The following DENND1B variants were observed in gnomAD, a reference collection of about 807,000 sequenced individuals.
DENND1B encodes the protein DENN domain containing 1B, also known as DENN domain-containing protein 1B.
DENND1B carries 59 observed loss-of-function variants against 90.1 expected under a neutral mutation model. The ratio of observed to expected loss-of-function variants is 0.65; its 90% CI spans 0.53 to 0.81. The LOEUF (loss-of-function observed/expected upper bound fraction) is 0.81, where lower values mean the gene tolerates loss of function less well. Among genes scored for constraint, DENND1B ranks in the 40% least tolerant of loss-of-function variants. The probability of loss-of-function intolerance (pLI) is 0.00; values close to 1 mark genes in which losing one functional copy is unlikely to be tolerated. For synonymous variants in DENND1B, 337 were observed against 324.6 expected (o/e 1.04, Z -0.41); for missense variants, 862 against 912.6 (o/e 0.94, Z 0.71).
At chr1:197,676,027 T>C (rs1656029840) in intron 3 of DENND1B, among the ~76,000 whole-genome samples, 1 of 127,136 alleles carries the variant, frequency 7.9e-6, no homozygotes, top group South Asian at 2.6e-4. Context: ...ACCTCCGCAC[T>C]CTTTAAAATT....
upstream of DENND1B, among the ~76,000 whole-genome samples, chr1:197,778,223 C>G (rs1571719171): frequency 6.6e-6 from 1 of 152,286 alleles, no homozygotes; most frequent in Admixed American, 6.5e-5. Context: ...TAGTATTTGT[C>G]TGATGTTAGG....
intron 2 of DENND1B, chr1:197,734,009 TTACAAGAAA>T: frequency 1.2e-6 from 1 of 815,970 alleles, no homozygotes; most frequent in Non-Finnish European, 1.5e-6. Flanking sequence ...ATTCAAAAAA[TTACAAGAAA>T]TTATATTTTA....
chr1:197,662,239 T>A lies in DENND1B; in HGVS notation c.297-3870A>T, dbSNP rs116476360. ...GGGAGTATAACTCACTAGTTAGTTA[T>A]ACGTCCATCTAGGGGTTGAGAGCAG... On this transcript the variant is annotated intron_variant, in intron 5 of 22. Coordinates refer to ENST00000620048, the MANE Select transcript of DENND1B (RefSeq NM_001195215.2). 2.0e-3 allele frequency among the ~76,000 whole-genome samples: 309 copies of A among 152,224 alleles called. 3 individuals are homozygous for A. Among genetic ancestry groups the A allele is most frequent in the African/African-American group, 7.3e-3 (304 of 41,572 alleles).
rs1161467586 is a variant in DENND1B at position 197,507,207 on chromosome 1, T to C, written c.*3253A>G. On this transcript the variant is annotated 3_prime_UTR_variant, in exon 23 of 23. Transcript: ENST00000620048. ...TATTATTATTATTTTAATAAAAATTTGCAATTCCTTTTCCTTTGTTCCTTC... is the reference window on the plus strand; with the variant it reads ...TATTATTATTATTTTAATAAAAATTCGCAATTCCTTTTCCTTTGTTCCTTC... The C allele has an allele frequency of 2.7e-5, 4 of 149,408 alleles. No individual in the cohort carries two copies. The highest frequency in any genetic ancestry group is 6.0e-5 in the Non-Finnish European group (4 of 67,062). 9.3% of individuals were successfully genotyped at this position (149,408 alleles called of 1,614,324 possible).
chr1:197,525,091 G>A (rs1350655582), intron 20 of DENND1B, among the ~76,000 whole-genome samples: 1 of 152,094 alleles, frequency 6.6e-6, no homozygotes, highest in East Asian at 1.9e-4. Context: ...TGTGTTAATA[G>A]GTAGAAAGAA....
intron 13 of DENND1B, chr1:197,605,394 G>T (rs1572040914): frequency 1.3e-5 from 2 of 150,936 alleles, no homozygotes; most frequent in Admixed American, 1.3e-4. Flanking sequence ...AAATTTCAAA[G>T]ATTATTTTTT....
intron 2 of DENND1B, among the ~76,000 whole-genome samples, chr1:197,731,132 C>T (rs1259655287): frequency 6.6e-6 from 1 of 151,974 alleles, no homozygotes; most frequent in Non-Finnish European, 1.5e-5. Flanking sequence ...ATTTACATCA[C>T]AACTTGTAAG....
chr1:197,691,798 G>A (rs1372497009), intron 3 of DENND1B, among the ~76,000 whole-genome samples: 3 of 151,834 alleles, frequency 2.0e-5, no homozygotes, highest in Admixed American at 6.6e-5. Context: ...AGAAAATCCT[G>A]TCATTTGCCA....
intron 15 of DENND1B, among the ~76,000 whole-genome samples, chr1:197,572,480 G>A (rs1179991330): frequency 6.6e-6 from 1 of 152,238 alleles, no homozygotes; most frequent in Admixed American, 6.5e-5. Context: ...CTCCACCTCT[G>A]TGGGCAGGGA....
chr1:197,703,577 T>G (rs1444931294), intron 3 of DENND1B, among the ~76,000 whole-genome samples: 1 of 152,190 alleles, frequency 6.6e-6, no homozygotes, highest in African/African-American at 2.4e-5. Context: ...CTGAGATGTC[T>G]TAAAGTGTTT....
At chr1:197,637,802 T>A (rs1572151974) in intron 10 of DENND1B, among the ~76,000 whole-genome samples, 1 of 152,332 alleles carries the variant, frequency 6.6e-6, no homozygotes, top group Middle Eastern at 3.4e-3. Flanking sequence ...TAACAATTTT[T>A]AACTGCACCA....
intron 2 of DENND1B, among the ~76,000 whole-genome samples, chr1:197,744,546 C>T (rs894417891): frequency 6.6e-6 from 1 of 152,104 alleles, no homozygotes; most frequent in African/African-American, 2.4e-5. Context: ...CTAGAATATT[C>T]GATAAGCCAT....
intron 3 of DENND1B, among the ~76,000 whole-genome samples, chr1:197,694,942 C>A (rs1388973998): frequency 6.6e-6 from 1 of 151,206 alleles, no homozygotes; most frequent in Non-Finnish European, 1.5e-5. Context: ...CAAAAATATT[C>A]TTTTCAATGG....
At chr1:197,756,908 G>C (rs1654382502) in intron 2 of DENND1B, among the ~76,000 whole-genome samples, 1 of 150,674 alleles carries the variant, frequency 6.6e-6, no homozygotes. Context: ...GTTAAATTTT[G>C]CAATCCTCTC....
At chr1:197,730,180 T>C (rs1236061167) in intron 2 of DENND1B, among the ~76,000 whole-genome samples, 1 of 152,124 alleles carries the variant, frequency 6.6e-6, no homozygotes, top group African/African-American at 2.4e-5. Flanking sequence ...CAAGGTATAA[T>C]TATTTATACC....
intron 18 of DENND1B, chr1:197,545,584 G>T: frequency 5.1e-6 from 1 of 194,734 alleles, no homozygotes; most frequent in South Asian, 1.2e-4. Context: ...TTCTACTTGA[G>T]CCGCAAGTAC....
intron 10 of DENND1B, among the ~76,000 whole-genome samples, chr1:197,640,156 C>T (rs986627119): frequency 6.6e-6 from 1 of 152,070 alleles, no homozygotes; most frequent in African/African-American, 2.4e-5. Context: ...TTTACTCTAA[C>T]TGCAGATGTA....
At chr1:197,655,328 C>A (rs1010752439) in intron 6 of DENND1B, among the ~76,000 whole-genome samples, 1 of 152,138 alleles carries the variant, frequency 6.6e-6, no homozygotes, top group Non-Finnish European at 1.5e-5. Flanking sequence ...GACTCAATAT[C>A]TATTTGCTAT....
chr1:197,617,566 T>C, intron 11 of DENND1B, 93 bp downstream of exon 11: 1 of 847,690 alleles, frequency 1.2e-6, no homozygotes, highest in East Asian at 2.5e-5. Context: ...TGATTTCTTT[T>C]AAATATGCCC....
Sources: gnomAD v4.1 joint callset for allele counts (sites outside exome capture counted in the v4.1 genomes callset) on GRCh38, gnomAD v4.1.1 for gene constraint, MANE v1.5 for transcripts, NCBI Gene and HGNC (gene_info 2026-07-23, HGNC 2026-07-21) for gene names.